TET2: variants seen among roughly 807,000 people sequenced by gnomAD.
TET2 encodes methylcytosine dioxygenase TET2.
A neutral mutation model predicts 142.9 loss-of-function variants in TET2; 299 were observed. That is an observed-to-expected ratio of 2.09 (90% CI 1.90 to 2.30). TET2 has a LOEUF of 2.30. TET2 is among the 30% of genes most tolerant of loss of function. The pLI is 0.00. For missense variants in TET2, 2,418 were observed against 2,378.0 expected, an observed-to-expected ratio of 1.02 and a Z score of -0.35; for synonymous variants, 819 against 849.0, an observed-to-expected ratio of 0.96 and a Z score of 0.61.
chr4:105,240,559 A>G, intron 3 of TET2: 1 of 1,079,410 alleles, frequency 9.3e-7, no homozygotes, highest in Non-Finnish European at 1.1e-6. Flanking sequence ...CACACTGTGT[A>G]GAAGGATGGA....
chr4:105,271,235 A>G (rs79490199), intron 9 of TET2, among the ~76,000 whole-genome samples: 5,072 of 152,320 alleles, frequency 0.033, 202 homozygotes, highest in African/African-American at 0.093. Context: ...CTGATCCAGA[A>G]GAACAAACAC....
chr4:105,242,813 G>A (rs2110252412), intron 4 of TET2, 21 bp from the exon 5 acceptor site: 2 of 1,547,188 alleles, frequency 1.3e-6, no homozygotes, highest in Non-Finnish European at 1.7e-6. Context: ...ATGTGTGTGT[G>A]TTTCTGTGGG....
intron 6 of TET2, among the ~76,000 whole-genome samples, chr4:105,256,714 ACCTG>A (rs1248306343): frequency 2.6e-5 from 4 of 151,896 alleles, no homozygotes; most frequent in African/African-American, 9.7e-5. Context: ...TACTTTGGGG[ACCTG>A]CATTATGTCT....
intron 4 of TET2, chr4:105,242,299 A>G (rs1578689543): frequency 8.3e-6 from 9 of 1,079,000 alleles, no homozygotes; most frequent in Non-Finnish European, 8.0e-6. Context: ...TGTTTTTTAA[A>G]CAAGCAGTAG....
At chr4:105,228,333 C>G (rs1269167983) in intron 2 of TET2, among the ~76,000 whole-genome samples, 1 of 152,058 alleles carries the variant, frequency 6.6e-6, no homozygotes, top group African/African-American at 2.4e-5. Context: ...TTAAACTTTT[C>G]ACACAAATGG....
chr4:105,266,745 A>G (rs1029431730), intron 8 of TET2, among the ~76,000 whole-genome samples: 2 of 152,082 alleles, frequency 1.3e-5, no homozygotes, highest in Non-Finnish European at 2.9e-5. Flanking sequence ...AATATATAAA[A>G]GACCTATTAG....
At chr4:105,241,800 G>T in intron 4 of TET2, 3 of 1,249,998 alleles carry the variant, frequency 2.4e-6, no homozygotes. Flanking sequence ...CTGGTAAAGT[G>T]TGGTATAAGA....
Position 105,275,399 on chromosome 4 carries a change from CA to C in TET2, c.4890del (p.Tyr1631IlefsTer64). The C allele has an allele frequency of 6.4e-7, 1 of 1,551,654 alleles. No individual in the cohort carries two copies. Among genetic ancestry groups the C allele is most frequent in the Non-Finnish European group, 8.7e-7 (1 of 1,146,986 alleles). ...TTGAATCAGAATACCCAATATCCAT[CA>C]TATCAATGCAATGGAAACCTATCAG... ...GLLNQNTQYP[S>X]YQCNGNLSVD... On this transcript the variant is annotated frameshift_variant, in exon 11 of 11. Transcript: ENST00000380013. LOFTEE classifies it low-confidence loss of function (END_TRUNC).
intron 1 of TET2, among the ~76,000 whole-genome samples, chr4:105,152,671 C>T (rs1723369110): frequency 7.4e-6 from 1 of 134,848 alleles, no homozygotes; most frequent in South Asian, 2.4e-4. Flanking sequence ...GATCTCGGCT[C>T]ACTGCAACCT....
chr4:105,241,938 CTT>C (rs11284258), intron 4 of TET2: 60,916 of 1,124,938 alleles, frequency 0.054, 2,377 homozygotes, highest in African/African-American at 0.34. Flanking sequence ...TTACAGCTGC[CTT>C]TTTTTTTTTT....
intron 4 of TET2, 57 bp downstream of exon 4, chr4:105,241,486 A>G: frequency 6.6e-7 from 1 of 1,510,136 alleles, no homozygotes; most frequent in Non-Finnish European, 8.8e-7. Flanking sequence ...ATATGTCAGA[A>G]TTTTTCCAGC....
chr4:105,240,417 G>A lies in TET2; in HGVS notation c.3410-922G>A, dbSNP rs902710822. 14 of 1,072,654 alleles carry A rather than the reference G, an allele frequency of 1.3e-5. No homozygotes were observed. In the African/African-American group the frequency reaches 2.3e-4, roughly 18 times the overall value. The allele number at this position is 1,072,654 out of a possible 1,614,324, so 66.4% of individuals were successfully genotyped here. On this transcript the variant is annotated intron_variant, in intron 3 of 10. Coordinates refer to ENST00000380013, the MANE Select transcript of TET2 (RefSeq NM_001127208.3). ...TGCTGATGGATGTAGATATATACGTGGATAGAGATGAAGATCTTAATTATA... is the reference window on the plus strand; with the variant it reads ...TGCTGATGGATGTAGATATATACGTAGATAGAGATGAAGATCTTAATTATA...
intron 2 of TET2, among the ~76,000 whole-genome samples, chr4:105,195,180 C>T (rs1017063698): frequency 1.3e-5 from 2 of 152,112 alleles, no homozygotes; most frequent in East Asian, 1.9e-4. Flanking sequence ...TCAGTTTCCT[C>T]ATCAAAAGGT....
intron 10 of TET2, among the ~76,000 whole-genome samples, chr4:105,274,342 G>A (rs2110309520): frequency 6.6e-6 from 1 of 152,302 alleles, no homozygotes. Flanking sequence ...TCTTTAAAGT[G>A]TTATCTACAA....
Position 105,201,514 on chromosome 4 carries a change from A to G in TET2, c.-47+11009A>G, listed in dbSNP as rs894595379. Among the ~76,000 whole-genome samples the G allele has an allele frequency of 5.3e-5, 8 of 152,156 alleles. No homozygotes were observed. The South Asian group carries it at 1.0e-3, about 20-fold the overall frequency. On this transcript the variant is annotated intron_variant, in intron 2 of 10. Coordinates refer to ENST00000380013, the MANE Select transcript of TET2 (RefSeq NM_001127208.3). ...TAATAAATAAAATTATCAGTTGCTA[A>G]CATTTAAATCAAACAGTTCCACAAG...
intron 3 of TET2, chr4:105,239,318 C>T (rs925710684): frequency 3.8e-5 from 9 of 239,834 alleles, no homozygotes; most frequent in Non-Finnish European, 7.1e-5. Flanking sequence ...TCCTTTGAAG[C>T]AAGGCATTGA....
chr4:105,179,733 C>A (rs928846470), intron 1 of TET2, among the ~76,000 whole-genome samples: 4 of 152,052 alleles, frequency 2.6e-5, no homozygotes, highest in Non-Finnish European at 5.9e-5. Context: ...ACCTGTGTAC[C>A]CTGACCTGGC....
intron 6 of TET2, among the ~76,000 whole-genome samples, chr4:105,251,686 T>C (rs1338500545): frequency 6.6e-6 from 1 of 152,138 alleles, no homozygotes. Flanking sequence ...TACTGATCTT[T>C]AGTTCTCTTG....
chr4:105,238,521 C>A (rs1418153772), intron 3 of TET2: 1 of 246,050 alleles, frequency 4.1e-6, no homozygotes, highest in Non-Finnish European at 8.5e-6. Context: ...CAGCAGTTTA[C>A]AGCATCTTCA....
Sources: allele counts gnomAD v4.1 joint callset (sites outside exome capture counted in the v4.1 genomes callset), GRCh38; gene constraint gnomAD v4.1.1; transcripts MANE v1.5; gene names NCBI Gene and HGNC (gene_info 2026-07-23, HGNC 2026-07-21).